DCAF6: variants seen among roughly 807,000 people sequenced by gnomAD.
DCAF6 encodes DDB1 and CUL4 associated factor 6, also known as DDB1- and CUL4-associated factor 6.
Under a neutral mutation model 125.1 loss-of-function variants are expected in DCAF6, and 54 were observed. That is an observed-to-expected ratio of 0.43 (90% CI 0.35 to 0.54). The LOEUF is 0.54. DCAF6 is among the 20% of genes least tolerant of loss of function. The probability of loss-of-function intolerance (pLI) is 0.01; values close to 1 mark genes in which losing one functional copy is unlikely to be tolerated. For synonymous variants in DCAF6, 371 were observed against 390.4 expected (o/e 0.95, Z 0.58); for missense variants, 934 against 1,161.7 (o/e 0.80, Z 2.85).
intron 3 of DCAF6, among the ~76,000 whole-genome samples, chr1:167,973,601 C>G (rs1677679368): frequency 1.3e-5 from 2 of 152,168 alleles, no homozygotes; most frequent in African/African-American, 4.8e-5. Context: ...TTTTTTAATT[C>G]AGTGTTTTAT....
chr1:167,870,225 T>G, the DCAF6 span: 1 of 1,613,214 alleles, frequency 6.2e-7, no homozygotes, highest in East Asian at 2.2e-5. Flanking sequence ...ATTCTATGGG[T>G]TCACACAGAA....
the DCAF6 span, among the ~76,000 whole-genome samples, chr1:167,889,988 T>C: frequency 0.011 from 1,696 of 152,344 alleles, 30 homozygotes; most frequent in African/African-American, 0.037. Context: ...TTGAATTTCT[T>C]TGAGTTTCCT....
chr1:167,950,537 C>A (rs1673766830), intron 1 of DCAF6, among the ~76,000 whole-genome samples: 1 of 152,120 alleles, frequency 6.6e-6, no homozygotes, highest in Admixed American at 6.5e-5. Context: ...ACCTAGCCAT[C>A]TTACCAGTTA....
At chr1:167,919,908 A>AG in the DCAF6 span, 1 of 277,404 alleles carries the variant, frequency 3.6e-6, no homozygotes. Flanking sequence ...ACCCCGTCTC[A>AG]AAAAAAAAAA....
In DCAF6 at chr1:168,044,671, A is replaced by C; in HGVS notation, c.1930A>C (p.Thr644Pro). Residue 644 changes from threonine to proline, a missense_variant and splice_region_variant, in exon 15 of 22, where the codon ACA (threonine) becomes CCA (proline). By Grantham distance (38) the Thr-to-Pro change is conservative (BLOSUM62 -1). This residue lies in a region of DCAF6 where 559 missense variants were observed against 635.5 expected (regional missense o/e 0.88). Coordinates refer to ENST00000367840, the MANE Select transcript of DCAF6 (RefSeq NM_001198956.2). ...CCCAGTTGAGAACCATATCAATATA[A>C]GTGAGTTGCTCCCTTTAGATAATTG... ...ENPVENHINI[T>P]QSDKFTAKPL... is the part of the protein sequence containing the mutation. The C allele has an allele frequency of 6.2e-7, 1 of 1,606,568 alleles. No homozygotes were observed. The highest frequency in any genetic ancestry group is 8.5e-7 in the Non-Finnish European group (1 of 1,173,376).
intron 2 of DCAF6, among the ~76,000 whole-genome samples, chr1:167,953,962 A>G (rs1453994682): frequency 6.6e-6 from 1 of 151,888 alleles, no homozygotes; most frequent in Non-Finnish European, 1.5e-5. Context: ...TGGTGATCTG[A>G]GTGGATACAG....
the DCAF6 span, among the ~76,000 whole-genome samples, chr1:167,885,563 A>C: frequency 3.3e-5 from 5 of 152,064 alleles, no homozygotes; most frequent in Non-Finnish European, 7.4e-5. Context: ...ACCTTTTCAC[A>C]TATTTTTCAC....
the DCAF6 span, among the ~76,000 whole-genome samples, chr1:167,887,609 G>A: frequency 6.6e-6 from 1 of 151,966 alleles, no homozygotes; most frequent in Non-Finnish European, 1.5e-5. Flanking sequence ...ATGAGTTAAT[G>A]GGTGCAGCAT....
the DCAF6 span, chr1:167,903,884 T>C: frequency 6.2e-7 from 1 of 1,603,194 alleles, no homozygotes; most frequent in East Asian, 2.2e-5. Flanking sequence ...TGGGAACACT[T>C]ACTCTCCACT....
intron 1 of DCAF6, among the ~76,000 whole-genome samples, chr1:167,940,544 G>C (rs1351141541): frequency 1.3e-5 from 2 of 151,602 alleles, no homozygotes; most frequent in Admixed American, 1.3e-4. Context: ...CAAAGTCAGA[G>C]ATACCTGTAG....
chr1:167,995,093 A>G (rs1009730613), intron 7 of DCAF6, among the ~76,000 whole-genome samples: 12 of 152,222 alleles, frequency 7.9e-5, no homozygotes, highest in African/African-American at 2.9e-4. Context: ...GGTTAAAAAC[A>G]TGAAATCTGC....
At chr1:168,022,286 C>T (rs533262180) in intron 11 of DCAF6, among the ~76,000 whole-genome samples, 3 of 152,212 alleles carry the variant, frequency 2.0e-5, no homozygotes, top group East Asian at 3.9e-4. Flanking sequence ...AAGATAAGAA[C>T]GAAGCTGTTC....
At chr1:167,917,840 C>A in the DCAF6 span, 1 of 152,372 alleles carries the variant, frequency 6.6e-6, no homozygotes, top group Non-Finnish European at 1.5e-5. Flanking sequence ...CAAAAATCAT[C>A]AAGATTCTTC....
At chr1:168,019,735 A>G (rs1179262443) in intron 11 of DCAF6, 1 of 196,000 alleles carries the variant, frequency 5.1e-6, no homozygotes, top group East Asian at 1.3e-4. Flanking sequence ...TTATACCCCA[A>G]AAGGGTGTAA....
chr1:167,903,825 C>T, the DCAF6 span: 1 of 1,236,198 alleles, frequency 8.1e-7, no homozygotes, highest in Non-Finnish European at 1.2e-6. Context: ...TTATAATTGA[C>T]AACTACGGAA....
intron 1 of DCAF6, among the ~76,000 whole-genome samples, chr1:167,946,576 T>C (rs1487478794): frequency 2.0e-5 from 3 of 152,212 alleles, no homozygotes; most frequent in Non-Finnish European, 2.9e-5. Flanking sequence ...GTTTTTCTTA[T>C]GAAGGGATGT....
chr1:167,938,691 A>C lies in DCAF6; in HGVS notation c.97+1683A>C, dbSNP rs188188354. On this transcript the variant is annotated intron_variant, in intron 1 of 21. Coordinates refer to ENST00000367840, the MANE Select transcript of DCAF6 (RefSeq NM_001198956.2). ...CGTTAACATTGTTTTGCATGGATAC[A>C]TTTATAATTTGGTCCTTTATCTCAG... Among the ~76,000 whole-genome samples, 8 of 152,356 alleles carry C rather than the reference A, an allele frequency of 5.3e-5. No homozygotes were observed. In the East Asian group the frequency reaches 1.5e-3, roughly 29 times the overall value.
chr1:167,962,933 C>T (rs763210862), intron 2 of DCAF6, among the ~76,000 whole-genome samples: 60 of 151,794 alleles, frequency 4.0e-4, no homozygotes, highest in Admixed American at 9.8e-4. Context: ...GCCAGCCTGG[C>T]GATGAAGCGA....
chr1:167,943,262 T>C (rs1672535389), intron 1 of DCAF6, among the ~76,000 whole-genome samples: 1 of 152,214 alleles, frequency 6.6e-6, no homozygotes, highest in Non-Finnish European at 1.5e-5. Flanking sequence ...TTCTGAACCC[T>C]TTCTATTTCC....
Sources: gnomAD v4.1 joint callset for allele counts (sites outside exome capture counted in the v4.1 genomes callset) on GRCh38, gnomAD v4.1.1 for gene constraint, gnomAD v4.1.1 regional missense constraint, MANE v1.5 for transcripts, NCBI Gene and HGNC (gene_info 2026-07-23, HGNC 2026-07-21) for gene names.